The following PGPEP1L variants were observed in gnomAD, a reference collection of about 807,000 sequenced individuals.
The protein encoded by PGPEP1L is pyroglutamyl-peptidase I like.
A neutral mutation model predicts 6.0 loss-of-function variants in PGPEP1L; 7 were observed. That is an observed-to-expected ratio of 1.17 (90% CI 0.66 to 2.19). PGPEP1L has a LOEUF of 2.19. Among genes scored for constraint, PGPEP1L ranks in the 30% most tolerant of loss-of-function variants. The probability of loss-of-function intolerance (pLI) is 0.00; values close to 1 mark genes in which losing one functional copy is unlikely to be tolerated. For synonymous variants in PGPEP1L, 103 were observed against 83.9 expected (o/e 1.23, Z -1.24); for missense variants, 209 against 192.5 (o/e 1.09, Z -0.51).
intron 2 of PGPEP1L, among the ~76,000 whole-genome samples, chr15:99,002,916 G>A (rs1431342741): frequency 6.6e-6 from 1 of 152,206 alleles, no homozygotes; most frequent in Non-Finnish European, 1.5e-5. Flanking sequence ...GTCAGTCTCT[G>A]AGAACCCAGC....
In PGPEP1L at chr15:99,007,469, C is replaced by T. The variant is rs1489600743; in HGVS notation, c.-480G>A. On this transcript the variant is annotated 5_prime_UTR_variant, in exon 1 of 5. Transcript: ENST00000535714. ...GTTACAGTTTTTAAAGGCAGCGTGT[C>T]CCAAGTTTGTTTCTTCTGATGCTCG... is the stretch of plus-strand genomic sequence containing the variant. 6.6e-6 allele frequency: 1 copy of T among 152,248 alleles called. No homozygotes were observed. The highest frequency in any genetic ancestry group is 1.5e-5 in the Non-Finnish European group (1 of 68,098). 9.4% of individuals were successfully genotyped at this position (152,248 alleles called of 1,614,324 possible).
intron 2 of PGPEP1L, among the ~76,000 whole-genome samples, chr15:98,984,002 A>AAGTAGTCTTTT (rs2017706440): frequency 2.0e-5 from 3 of 146,964 alleles, no homozygotes; most frequent in Non-Finnish European, 3.0e-5. Flanking sequence ...GCAGTGGAGT[A>AAGTAGTCTTTT]AGTAGTCTTT....
intron 2 of PGPEP1L, among the ~76,000 whole-genome samples, chr15:98,976,700 G>A (rs767034609): frequency 5.9e-5 from 9 of 152,224 alleles, no homozygotes; most frequent in African/African-American, 1.2e-4. Flanking sequence ...TGAGGCCTGA[G>A]CACGGTGAGC....
intron 2 of PGPEP1L, among the ~76,000 whole-genome samples, chr15:98,990,462 G>C (rs1555471940): frequency 6.6e-6 from 1 of 152,132 alleles, no homozygotes; most frequent in African/African-American, 2.4e-5. Flanking sequence ...GATTCATAAA[G>C]GAAGTTCTTG....
intron 2 of PGPEP1L, among the ~76,000 whole-genome samples, chr15:98,994,891 T>C (rs2017866809): frequency 6.6e-6 from 1 of 152,278 alleles, no homozygotes; most frequent in Non-Finnish European, 1.5e-5. Flanking sequence ...CTCTATGTAT[T>C]CTGGCTTTTA....
intron 2 of PGPEP1L, among the ~76,000 whole-genome samples, chr15:98,985,573 C>G (rs1277448388): frequency 6.6e-6 from 1 of 152,164 alleles, no homozygotes; most frequent in African/African-American, 2.4e-5. Context: ...AAAAAACCCA[C>G]TCTTGTGCTA....
At position 98,968,666 on chromosome 15, in the gene PGPEP1L, G is replaced by GAGAC. The variant is rs779678620; in HGVS notation, c.237_240dup (p.Leu81ValfsTer71). The GAGAC allele has an allele frequency of 1.9e-6, 3 of 1,584,732 alleles. No homozygotes were observed. The highest frequency in any genetic ancestry group is 2.6e-6 in the Non-Finnish European group (3 of 1,164,950). ...GCCGCGCAGCCCTTTCCATGATGCAGAGACAGGTAATAGGTATAATCACAG... is the reference window on the plus strand; with the variant it reads ...GCCGCGCAGCCCTTTCCATGATGCAGAGACAGACAGGTAATAGGTATAATCACAG... On this transcript the variant is annotated frameshift_variant, in exon 5 of 5. Coordinates refer to ENST00000535714, the MANE Select transcript of PGPEP1L (RefSeq NM_001167902.2). LOFTEE classifies it low-confidence loss of function (END_TRUNC).
chr15:98,976,898 G>A (rs1187763226), intron 2 of PGPEP1L, among the ~76,000 whole-genome samples: 1 of 151,758 alleles, frequency 6.6e-6, no homozygotes, highest in Non-Finnish European at 1.5e-5. Flanking sequence ...AAACAAGGAG[G>A]GCCTGGTCAA....
At chr15:98,975,979 C>G (rs952038478) in intron 2 of PGPEP1L, among the ~76,000 whole-genome samples, 1 of 151,504 alleles carries the variant, frequency 6.6e-6, no homozygotes, top group Non-Finnish European at 1.5e-5. Flanking sequence ...AAAAAAAAGA[C>G]AAATGTGTGA....
rs1205742523 is a variant in PGPEP1L, at chr15:99,007,785, A to C, written c.-796T>G. ...CCACAGCACAGAAGGCGACTCCAGCAAGTTGCTACTGCTACCTGGGGCAGC... is the reference window on the plus strand; with the variant it reads ...CCACAGCACAGAAGGCGACTCCAGCCAGTTGCTACTGCTACCTGGGGCAGC... On this transcript the variant is annotated 5_prime_UTR_variant, in exon 1 of 5. Transcript: ENST00000535714. 2.0e-5 allele frequency: 3 copies of C among 152,244 alleles called. No individual in the cohort carries two copies. The highest frequency in any genetic ancestry group is 6.5e-5 in the Admixed American group (1 of 15,282). The allele number at this position is 152,244 out of a possible 1,614,324, so 9.4% of individuals were successfully genotyped here.
At chr15:98,989,588 C>T (rs565970244) in intron 2 of PGPEP1L, among the ~76,000 whole-genome samples, 1 of 152,302 alleles carries the variant, frequency 6.6e-6, no homozygotes, top group East Asian at 1.9e-4. Flanking sequence ...CTTCCCCAAC[C>T]TAGCAAGGCA....
chr15:98,976,474 T>C (rs2017571432), intron 2 of PGPEP1L, among the ~76,000 whole-genome samples: 1 of 152,222 alleles, frequency 6.6e-6, no homozygotes, highest in Non-Finnish European at 1.5e-5. Flanking sequence ...CATTTTCTCA[T>C]ATCACAACAA....
intron 1 of PGPEP1L, among the ~76,000 whole-genome samples, chr15:99,006,710 G>A (rs370718791): frequency 1.8e-4 from 27 of 152,324 alleles, no homozygotes; most frequent in Non-Finnish European, 2.5e-4. Flanking sequence ...GGCTTCTCAG[G>A]GAGGCTGAAG....
chr15:98,975,352 T>C (rs2017552933), intron 2 of PGPEP1L, among the ~76,000 whole-genome samples: 1 of 152,054 alleles, frequency 6.6e-6, no homozygotes, highest in African/African-American at 2.4e-5. Context: ...TGAAAAGAGG[T>C]TGGTTATTGG....
chr15:98,975,497 G>A (rs1256466874), intron 2 of PGPEP1L, among the ~76,000 whole-genome samples: 1 of 152,188 alleles, frequency 6.6e-6, no homozygotes, highest in African/African-American at 2.4e-5. Flanking sequence ...AAAGAAATAA[G>A]TGTTTGAGAT....
In PGPEP1L at chr15:98,971,104, C is replaced by G. The variant is rs1244463609; in HGVS notation, c.-87G>C. 6.2e-7 allele frequency: 1 copy of G among 1,612,732 alleles called. No homozygotes were observed. Among genetic ancestry groups the G allele is most frequent in the Non-Finnish European group, 8.5e-7 (1 of 1,179,538 alleles). On this transcript the variant is annotated 5_prime_UTR_variant, in exon 3 of 5. Coordinates refer to ENST00000535714, the MANE Select transcript of PGPEP1L (RefSeq NM_001167902.2). ...GCCTCCCTGTAATCTACAGGCAGCTCCAGAGTCCGCAGCTGCACCACTGTT... is the reference window on the plus strand; with the variant it reads ...GCCTCCCTGTAATCTACAGGCAGCTGCAGAGTCCGCAGCTGCACCACTGTT...
At chr15:98,979,284 T>A (rs557700158) in intron 2 of PGPEP1L, among the ~76,000 whole-genome samples, 1 of 151,924 alleles carries the variant, frequency 6.6e-6, no homozygotes, top group African/African-American at 2.4e-5. Context: ...AAGCATAAGA[T>A]GCAGCTGCCT....
intron 2 of PGPEP1L, among the ~76,000 whole-genome samples, chr15:98,974,757 G>A (rs546605653): frequency 1.3e-4 from 20 of 152,188 alleles, no homozygotes; most frequent in African/African-American, 3.1e-4. Context: ...ATTAGCTGGC[G>A]TCATGGCACA....
At chr15:98,991,921 T>A (rs549564846) in intron 2 of PGPEP1L, among the ~76,000 whole-genome samples, 7 of 152,118 alleles carry the variant, frequency 4.6e-5, no homozygotes, top group Non-Finnish European at 1.0e-4. Flanking sequence ...CTAAAAACTC[T>A]CAATAAACTA....
Sources: allele counts gnomAD v4.1 joint callset (sites outside exome capture counted in the v4.1 genomes callset), GRCh38; gene constraint gnomAD v4.1.1; transcripts MANE v1.5; gene names NCBI Gene and HGNC (gene_info 2026-07-23, HGNC 2026-07-21).